Variants in CACNA1B observed in about 807,000 individuals in gnomAD.
The protein encoded by CACNA1B is voltage-dependent N-type calcium channel subunit alpha-1B.
In CACNA1B, 70 loss-of-function variants were observed where a neutral mutation model predicts 247.2. The ratio of observed to expected loss-of-function variants is 0.28; its 90% CI spans 0.23 to 0.35. CACNA1B has a LOEUF of 0.35. Among genes scored for constraint, CACNA1B ranks in the 10% least tolerant of loss-of-function variants. The probability of loss-of-function intolerance (pLI) is 1.00; values close to 1 mark genes in which losing one functional copy is unlikely to be tolerated. For synonymous variants in CACNA1B, 1,231 were observed against 1,294.4 expected, an observed-to-expected ratio of 0.95 and a Z score of 1.05; for missense variants, 2,367 against 3,197.4, an observed-to-expected ratio of 0.74 and a Z score of 6.26.
At position 138,058,239 on chromosome 9, in the gene CACNA1B, G is replaced by C; in HGVS notation, c.4297G>C (p.Glu1433Gln). The change falls in exon 28 of 47, where the codon GAG becomes CAG. Residue 1433 changes from glutamate to glutamine, a missense_variant. Physicochemically the swap from Glu to Gln is conservative, Grantham distance 29 (BLOSUM62 2). Around this residue, in one of 12 missense-constraint regions of CACNA1B, gnomAD observed 436 missense variants for 679.5 expected, o/e 0.64. Coordinates refer to ENST00000371372, the MANE Select transcript of CACNA1B (RefSeq NM_000718.4). The surrounding 1 kb of genome is among the most constrained non-coding windows in gnomAD (Gnocchi z 4.7). The part of the protein sequence containing the change: ...GDKVMSECSL[E>Q]KNERACIDFA... Reference sequence around the variant, plus strand: ...CAAGGTGATGTCTGAATGCAGCCTGGAGAAGAACGAGGTAGGTGGACGCTC... The same window carrying C: ...CAAGGTGATGTCTGAATGCAGCCTGCAGAAGAACGAGGTAGGTGGACGCTC... 3 of 1,613,548 alleles carry C rather than the reference G, an allele frequency of 1.9e-6. No individual in the cohort carries two copies.
intron 3 of CACNA1B, among the ~76,000 whole-genome samples, chr9:137,886,338 G>A (rs1478659802): frequency 6.6e-6 from 1 of 152,110 alleles, no homozygotes; most frequent in African/African-American, 2.4e-5. Context: ...CTCAGGCCAC[G>A]GGGAGGAGGT....
At chr9:137,978,518 G>A (rs764047162) in intron 12 of CACNA1B, among the ~76,000 whole-genome samples, 1 of 152,114 alleles carries the variant, frequency 6.6e-6, no homozygotes, top group Non-Finnish European at 1.5e-5. Flanking sequence ...ACAGGTGGGA[G>A]CACTGCCTCC....
chr9:137,986,834 G>A lies in CACNA1B; in HGVS notation c.1954G>A (p.Ala652Thr). ...AACCAACTTCGACACCTTCCCTGCC[G>A]CCATCCTCACTGTCTTCCAGGTAAG... The part of the protein sequence containing the change: ...PTTNFDTFPA[A>T]ILTVFQILTG... The change falls in exon 15 of 47, where the codon GCC (alanine) becomes ACC (threonine). Residue 652 changes from alanine (A) to threonine (T), a missense_variant. By Grantham distance (58) the Ala-to-Thr change is moderately conservative. This residue lies in a region of CACNA1B where 76 missense variants were observed against 191.0 expected (regional missense o/e 0.40). Coordinates refer to ENST00000371372, the MANE Select transcript of CACNA1B (RefSeq NM_000718.4). The surrounding 1 kb of genome is among the most constrained non-coding windows in gnomAD (Gnocchi z 6.0). 2.5e-6 allele frequency: 4 copies of A among 1,613,604 alleles called. No homozygotes were observed. Among genetic ancestry groups the A allele is most frequent in the Non-Finnish European group, 2.5e-6 (3 of 1,179,596 alleles).
chr9:138,043,990 C>T (rs763117188), intron 21 of CACNA1B, 90 bp downstream of exon 21: 2 of 1,490,984 alleles, frequency 1.3e-6, no homozygotes, highest in East Asian at 4.6e-5. Context: ...TGCACTGATT[C>T]TGCGCACTTA....
intron 11 of CACNA1B, among the ~76,000 whole-genome samples, 196 bp from the exon 12 acceptor site, chr9:137,975,711 G>A (rs1254642240): frequency 6.6e-6 from 1 of 152,192 alleles, no homozygotes; most frequent in Non-Finnish European, 1.5e-5. Context: ...CTTTCAGACT[G>A]GAACAGGTAC....
At chr9:138,091,940 G>A (rs1960894081) in intron 36 of CACNA1B, among the ~76,000 whole-genome samples, 1 of 152,166 alleles carries the variant, frequency 6.6e-6, no homozygotes, top group South Asian at 2.1e-4. Context: ...TCACCTATTG[G>A]TAGGTTCTGT....
At position 137,913,339 on chromosome 9, in the gene CACNA1B, A is replaced by ACATGGC; in HGVS notation, c.622+80_622+85dup. The stretch of plus-strand genomic sequence containing the variant: ...ACCTCCTCTCCTACCCTCACCACGG[A>ACATGGC]CATGGCCATGGCCATGGTTTGGCTT... On this transcript the variant is annotated intron_variant, in intron 4 of 46. Transcript: ENST00000371372. The surrounding 1 kb of genome is among the most constrained non-coding windows in gnomAD (Gnocchi z 5.2). 1 of 1,220,800 alleles carries ACATGGC rather than the reference A, an allele frequency of 8.2e-7. No individual in the cohort carries two copies. Among genetic ancestry groups the ACATGGC allele is most frequent in the African/African-American group, 1.5e-5 (1 of 67,120 alleles). 75.6% of individuals were successfully genotyped at this position (1,220,800 alleles called of 1,614,324 possible).
chr9:137,960,043 GAGGGAC>G lies in CACNA1B; in HGVS notation c.1333+2357_1333+2362del. Among the ~76,000 whole-genome samples, 3 of 151,938 alleles carry G rather than the reference GAGGGAC, an allele frequency of 2.0e-5. 1 individual carries two copies. The highest frequency in any genetic ancestry group is 4.4e-5 in the Non-Finnish European group (3 of 67,966). The stretch of plus-strand genomic sequence containing the variant: ...AGAGTTGCAGGAAGTGAGGACGCCT[GAGGGAC>G]GCCGGGGCGGGGGAGAGGGGAGGTT... On this transcript the variant is annotated intron_variant, in intron 10 of 46. Coordinates refer to ENST00000371372, the MANE Select transcript of CACNA1B (RefSeq NM_000718.4).
chr9:137,962,073 T>C (rs1159857715), intron 10 of CACNA1B, among the ~76,000 whole-genome samples: 1 of 152,186 alleles, frequency 6.6e-6, no homozygotes, highest in Non-Finnish European at 1.5e-5. Context: ...TATTGGTCTT[T>C]TCAGGGATTC....
Position 138,120,657 on chromosome 9 carries a change from C to A in CACNA1B, c.6265C>A (p.Leu2089Met). 2 of 1,505,964 alleles carry A rather than the reference C, an allele frequency of 1.3e-6. No homozygotes were observed. Among genetic ancestry groups the A allele is most frequent in the East Asian group, 2.4e-5 (1 of 41,264 alleles). The allele number at this position is 1,505,964 out of a possible 1,614,324, so 93.3% of individuals were successfully genotyped here. ...GAPSSAVGPG[L>M]PPGEGPTGCR... ...ACCAAGCAGTGCTGTGGGGCCGGGG[C>A]TGCCCCCGGGAGAGGGGCCTACAGG... The change falls in exon 46 of 47, where the codon CTG becomes ATG. Residue 2089 changes from leucine (L) to methionine (M), a missense_variant. Physicochemically the swap from Leu to Met is conservative, Grantham distance 15. Coordinates refer to ENST00000371372, the MANE Select transcript of CACNA1B (RefSeq NM_000718.4).
intron 12 of CACNA1B, 43 bp downstream of exon 12, chr9:137,976,062 C>T: frequency 8.3e-7 from 1 of 1,202,982 alleles, no homozygotes. Flanking sequence ...GTATCCTTTC[C>T]TGCAGGTGCA....
In CACNA1B at chr9:138,073,899, A is replaced by G; in HGVS notation, c.4792-102A>G. ...GTGGCCAGTGGGATGGAGCTTGAGT[A>G]GGCTGAGGTCTGTGTGACCTCAAAG... On this transcript the variant is annotated intron_variant, in intron 33 of 46. Coordinates refer to ENST00000371372, the MANE Select transcript of CACNA1B (RefSeq NM_000718.4). This position sits in a 1 kb window ranked among gnomAD's most constrained non-coding sequence, Gnocchi z 6.4. 1 of 877,752 alleles carries G rather than the reference A, an allele frequency of 1.1e-6. No homozygotes were observed. Among genetic ancestry groups the G allele is most frequent in the Non-Finnish European group, 1.9e-6 (1 of 527,306 alleles). The allele number at this position is 877,752 out of a possible 1,614,324, so 54.4% of individuals were successfully genotyped here.
chr9:137,908,511 G>A (rs1048829411), intron 3 of CACNA1B, among the ~76,000 whole-genome samples: 2 of 151,834 alleles, frequency 1.3e-5, no homozygotes, highest in African/African-American at 4.8e-5. Context: ...GTGAGACTCC[G>A]TCTCAAAAGA....
chr9:137,980,017 T>C (rs1220893016), intron 12 of CACNA1B, among the ~76,000 whole-genome samples: 1 of 152,234 alleles, frequency 6.6e-6, no homozygotes, highest in Non-Finnish European at 1.5e-5. Flanking sequence ...TCTGGGCTCT[T>C]GGTTCTGCCC....
rs149475534 is a variant in CACNA1B at position 138,008,157 on chromosome 9, G to A, written c.2092+1273G>A. On this transcript the variant is annotated intron_variant, in intron 16 of 46. Transcript: ENST00000371372. ...CTGCTTTGGAGATGGGTGGCCCTGG[G>A]GCTGGCACCGGAGGCACCAAAGAAA... is the stretch of plus-strand genomic sequence containing the variant. 5.5e-3 allele frequency among the ~76,000 whole-genome samples: 836 copies of A among 152,344 alleles called. 5 individuals carry two copies. The highest frequency in any genetic ancestry group is 0.019 in the African/African-American group (792 of 41,570).
At chr9:137,945,245 G>T (rs1280217457) in intron 6 of CACNA1B, among the ~76,000 whole-genome samples, 1 of 152,224 alleles carries the variant, frequency 6.6e-6, no homozygotes, top group Admixed American at 6.5e-5. Context: ...TGATGATGCA[G>T]CCAAGCAGGG....
rs1960976193 is a variant in CACNA1B, at chr9:138,094,198, T to TA, written c.5095-2285dup. Among the ~76,000 whole-genome samples the TA allele has an allele frequency of 2.6e-5, 4 of 152,154 alleles. No individual in the cohort carries two copies. In the South Asian group the frequency reaches 8.3e-4, roughly 32 times the overall value. On this transcript the variant is annotated intron_variant, in intron 36 of 46. Transcript: ENST00000371372. ...AGGACAGACACTGTATGATTCCACT[T>TA]ATATAAGTTACCTATAGTAGTCAAA... is the stretch of plus-strand genomic sequence containing the variant.
chr9:138,045,544 C>G (rs952901229), intron 21 of CACNA1B, among the ~76,000 whole-genome samples: 1 of 152,150 alleles, frequency 6.6e-6, no homozygotes, highest in Admixed American at 6.5e-5. Context: ...CCAGTTTCTG[C>G]CTGACAGTGG....
At position 138,023,120 on chromosome 9, in the gene CACNA1B, C is replaced by G. The variant is rs1418832624; in HGVS notation, c.2377C>G (p.Pro793Ala). The G allele has an allele frequency of 6.5e-7, 1 of 1,536,870 alleles. No individual in the cohort carries two copies. The highest frequency in any genetic ancestry group is 8.7e-7 in the Non-Finnish European group (1 of 1,149,114). ...CGAGGCGCTGTACAGCGAGATGGAC[C>G]CCGAGGAGCGGCTGCGCTTCGCCAC... ...SCEALYSEMD[P>A]EERLRFATTR... Residue 793 changes from proline to alanine, a missense_variant, in exon 19 of 47, where the codon CCC becomes GCC. Transcript: ENST00000371372.
Sources: allele counts gnomAD v4.1 joint callset (sites outside exome capture counted in the v4.1 genomes callset), GRCh38; gene constraint gnomAD v4.1.1; regional missense constraint gnomAD v4.1.1; non-coding constraint Gnocchi (gnomAD v3.1); transcripts MANE v1.5; gene names NCBI Gene and HGNC (gene_info 2026-07-23, HGNC 2026-07-21).